The following SLC25A14 variants were observed in gnomAD, a reference collection of about 807,000 sequenced individuals.
SLC25A14 encodes the protein brain mitochondrial carrier protein 1.
In SLC25A14, 8 loss-of-function variants were observed where a neutral mutation model predicts 28.1. That is an observed-to-expected ratio of 0.28 (90% CI 0.17 to 0.51). SLC25A14 has a LOEUF of 0.51. Ranked by LOEUF, SLC25A14 falls within the 20% of genes least tolerant of loss-of-function variation. The pLI is 0.97. For missense variants in SLC25A14, 135 were observed against 263.8 expected, an observed-to-expected ratio of 0.51 and a Z score of 3.38; for synonymous variants, 74 against 90.6, an observed-to-expected ratio of 0.82 and a Z score of 1.04.
At chrX:130,364,862 T>A (rs2235800) in intron 8 of SLC25A14, 110 bp downstream of exon 8, 486,515 of 1,115,878 alleles carry the variant, frequency 0.44, 73,788 homozygotes, top group Non-Finnish European at 0.45. Flanking sequence ...TGGCCTAAAT[T>A]CCCTTGTCTC....
At chrX:130,354,602 G>C (rs1156349530) in intron 6 of SLC25A14, among the ~76,000 whole-genome samples, 1 of 111,973 alleles carries the variant, frequency 8.9e-6, no homozygotes, top group African/African-American at 3.2e-5. Context: ...CAGGATCCAG[G>C]TTTCTTCATT....
chrX:130,359,139 G>A (rs1450507522), intron 7 of SLC25A14: 1 of 544,514 alleles, frequency 1.8e-6, no homozygotes, highest in Non-Finnish European at 2.8e-6. Flanking sequence ...GATCACTTGA[G>A]GTCAGAAGTT....
intron 7 of SLC25A14, among the ~76,000 whole-genome samples, chrX:130,363,964 C>T (rs990653689): frequency 3.6e-5 from 4 of 111,334 alleles, no homozygotes; most frequent in African/African-American, 1.3e-4. Flanking sequence ...AGAACTCCTC[C>T]TCAAGTGATC....
At position 130,345,207 on chromosome X, in the gene SLC25A14, A is replaced by G. The variant is rs2033392342; in HGVS notation, c.101A>G (p.His34Arg). 8.3e-7 allele frequency: 1 copy of G among 1,203,093 alleles called. No individual in the cohort carries two copies. The highest frequency in any genetic ancestry group is 1.1e-6 in the Non-Finnish European group (1 of 887,436). ...SGHQKSTTVS[H>R]EMSGLNWKPF... The stretch of plus-strand genomic sequence containing the variant: ...CACCAGAAAAGTACCACTGTAAGTC[A>G]TGAGATGTCTGGTCTGAATTGGAAA... Residue 34 changes from histidine to arginine, a missense_variant, in exon 3 of 11, where the codon CAT becomes CGT. Coordinates refer to ENST00000545805, the MANE Select transcript of SLC25A14 (RefSeq NM_001282195.2).
chrX:130,347,841 G>A (rs1269203693), intron 4 of SLC25A14, among the ~76,000 whole-genome samples: 1 of 111,400 alleles, frequency 9.0e-6, no homozygotes, highest in Non-Finnish European at 1.9e-5. Context: ...TCTGGTTTTG[G>A]TATCAGGGTA....
intron 2 of SLC25A14, among the ~76,000 whole-genome samples, chrX:130,340,983 T>A (rs2033241280): frequency 9.0e-6 from 1 of 111,140 alleles, no homozygotes; most frequent in South Asian, 3.8e-4. Flanking sequence ...TCTGTTCCAG[T>A]TAGGTTCCTT....
At chrX:130,366,265 G>A (rs2034114604) in intron 9 of SLC25A14, among the ~76,000 whole-genome samples, 1 of 112,391 alleles carries the variant, frequency 8.9e-6, no homozygotes, top group South Asian at 3.7e-4. Flanking sequence ...AGAAATTACA[G>A]TTATTACAAA....
chrX:130,362,123 T>C (rs867689184), intron 7 of SLC25A14, among the ~76,000 whole-genome samples: 1 of 105,046 alleles, frequency 9.5e-6, no homozygotes, highest in Non-Finnish European at 1.9e-5. Context: ...ATTTATTTAT[T>C]TATTTATTTA....
At chrX:130,356,147 C>T (rs2033779772) in intron 6 of SLC25A14, among the ~76,000 whole-genome samples, 1 of 108,633 alleles carries the variant, frequency 9.2e-6, no homozygotes, top group Non-Finnish European at 1.9e-5. Flanking sequence ...TTTAAGGTCG[C>T]AAAGTGGTGA....
chrX:130,372,814 T>C (rs2034298583), intron 10 of SLC25A14, 95 bp from the exon 11 acceptor site: 1 of 634,208 alleles, frequency 1.6e-6, no homozygotes, highest in African/African-American at 2.2e-5. Flanking sequence ...TGGAATAGCA[T>C]AGACTACCTT....
At chrX:130,350,880 T>G in intron 6 of SLC25A14, 149 bp downstream of exon 6, 1 of 360,640 alleles carries the variant, frequency 2.8e-6, no homozygotes, top group Non-Finnish European at 4.8e-6. Context: ...AAAATGAATA[T>G]AATACAGTGT....
At chrX:130,359,012 G>A (rs2033880688) in intron 7 of SLC25A14, 1 of 1,035,668 alleles carries the variant, frequency 9.7e-7, no homozygotes. Context: ...TTTTTTGCAA[G>A]TTCTGTACTA....
intron 3 of SLC25A14, among the ~76,000 whole-genome samples, chrX:130,345,485 G>A (rs1276430438): frequency 9.0e-6 from 1 of 111,527 alleles, no homozygotes; most frequent in Non-Finnish European, 1.9e-5. Context: ...AGCTTTTTTG[G>A]TAGTTTAGTG....
chrX:130,368,877 A>C (rs2034193176), intron 9 of SLC25A14, among the ~76,000 whole-genome samples: 1 of 112,436 alleles, frequency 8.9e-6, no homozygotes, highest in African/African-American at 3.2e-5. Flanking sequence ...AATCTGCAGA[A>C]ACATGTTTTT....
chrX:130,358,761 C>A, intron 7 of SLC25A14, 26 bp downstream of exon 7: 3 of 990,043 alleles, frequency 3.0e-6, no homozygotes, highest in African/African-American at 1.9e-5. Context: ...CTGCTATTAT[C>A]CTACACTCTC....
intron 7 of SLC25A14, chrX:130,358,988 G>A: frequency 9.9e-7 from 1 of 1,011,441 alleles, no homozygotes; most frequent in Non-Finnish European, 1.3e-6. Context: ...AGTGAATGTA[G>A]TTGTTCAGTG....
chrX:130,365,426 C>T, intron 8 of SLC25A14, 115 bp from the exon 9 acceptor site: 3 of 1,058,385 alleles, frequency 2.8e-6, no homozygotes, highest in Non-Finnish European at 2.5e-6. Context: ...AGGCCAAGTG[C>T]CAGGTTTTAT....
intron 6 of SLC25A14, among the ~76,000 whole-genome samples, chrX:130,352,522 T>C (rs1010580627): frequency 8.9e-6 from 1 of 112,574 alleles, no homozygotes. Flanking sequence ...GCTGAACTAA[T>C]TTACATTCCC....
intron 4 of SLC25A14, among the ~76,000 whole-genome samples, chrX:130,348,805 T>A (rs192498916): frequency 0.023 from 2,065 of 89,431 alleles, 32 homozygotes; most frequent in African/African-American, 0.031. Context: ...TTTTTTTTTT[T>A]AAAATGCAAG....
Sources: gnomAD v4.1 joint callset for allele counts (sites outside exome capture counted in the v4.1 genomes callset) on GRCh38, gnomAD v4.1.1 for gene constraint, MANE v1.5 for transcripts, NCBI Gene and HGNC (gene_info 2026-07-23, HGNC 2026-07-21) for gene names.